ZNF69: variants seen among roughly 807,000 people sequenced by gnomAD.
ZNF69 encodes the protein ZNF3.
In ZNF69, 47 loss-of-function variants were observed where a neutral mutation model predicts 50.9. The ratio of observed to expected loss-of-function variants is 0.92; its 90% CI spans 0.73 to 1.18. The LOEUF (loss-of-function observed/expected upper bound fraction) is 1.18. ZNF69 is among the 50% of genes most tolerant of loss of function. ZNF69 has a pLI of 0.00. For missense variants in ZNF69, 717 were observed against 675.1 expected (o/e 1.06, Z -0.69); for synonymous variants, 216 against 223.1 (o/e 0.97, Z 0.29).
the ZNF69 span, chr19:11,965,046 T>A: frequency 1.2e-6 from 1 of 827,784 alleles, no homozygotes; most frequent in Non-Finnish European, 2.0e-6. Flanking sequence ...ATTCCTGTCC[T>A]CACCTTTGTC....
At chr19:11,938,093 G>A in the ZNF69 span, among the ~76,000 whole-genome samples, 1 of 151,866 alleles carries the variant, frequency 6.6e-6, no homozygotes, top group African/African-American at 2.4e-5. Flanking sequence ...TTTGGAGACG[G>A]AGTCTCACTC....
exon 5 of ZNF69, chr19:11,913,936 A>G (rs989861202): frequency 5.9e-5 from 9 of 152,230 alleles, no homozygotes; most frequent in African/African-American, 1.7e-4. Context: ...CACATTTAGA[A>G]ATATAGTTAC....
chr19:11,934,223 G>A, the ZNF69 span, among the ~76,000 whole-genome samples: 1 of 147,848 alleles, frequency 6.8e-6, no homozygotes, highest in Non-Finnish European at 1.5e-5. Flanking sequence ...TCTAGTTTTT[G>A]GCAGTTATGA....
intron 4 of ZNF69, among the ~76,000 whole-genome samples, chr19:11,912,323 C>G (rs1423137442): frequency 1.3e-5 from 2 of 152,060 alleles, no homozygotes; most frequent in Non-Finnish European, 2.9e-5. Context: ...CTGCCAAGAT[C>G]CTTTGAATAC....
the ZNF69 span, among the ~76,000 whole-genome samples, chr19:11,970,708 G>T: frequency 6.6e-6 from 1 of 152,154 alleles, no homozygotes; most frequent in Admixed American, 6.6e-5. Context: ...GAGGCTGGCA[G>T]ATCACCTAAG....
chr19:11,972,101 C>T, the ZNF69 span, among the ~76,000 whole-genome samples: 1 of 151,642 alleles, frequency 6.6e-6, no homozygotes, highest in Admixed American at 6.6e-5. Flanking sequence ...TTAGTCCAGC[C>T]TGGGTAACGT....
chr19:11,957,393 C>T, the ZNF69 span, among the ~76,000 whole-genome samples: 1 of 151,890 alleles, frequency 6.6e-6, no homozygotes, highest in Non-Finnish European at 1.5e-5. Context: ...CGTGCTCAGC[C>T]AAGAAGTAAC....
At chr19:11,954,788 T>C in the ZNF69 span, among the ~76,000 whole-genome samples, 1 of 152,094 alleles carries the variant, frequency 6.6e-6, no homozygotes. Flanking sequence ...GCCCCTGCAC[T>C]CCAGCCTGGG....
the ZNF69 span, among the ~76,000 whole-genome samples, chr19:11,921,799 G>A: frequency 1.3e-5 from 2 of 152,048 alleles, no homozygotes; most frequent in African/African-American, 2.4e-5. Context: ...CACTGCGCCC[G>A]GCCCTGAAAT....
downstream of ZNF69, among the ~76,000 whole-genome samples, chr19:11,917,292 G>A (rs1972530638): frequency 6.6e-6 from 1 of 152,210 alleles, no homozygotes; most frequent in Admixed American, 6.5e-5. Flanking sequence ...ACCTTCCACT[G>A]ACTCACAGTG....
At chr19:11,939,486 G>A in the ZNF69 span, among the ~76,000 whole-genome samples, 15 of 152,230 alleles carry the variant, frequency 9.9e-5, no homozygotes, top group African/African-American at 2.6e-4. Context: ...ATAGGGAATC[G>A]TTTCCCCATT....
chr19:11,902,671 G>A (rs1033338239), intron 1 of ZNF69, among the ~76,000 whole-genome samples: 10 of 150,672 alleles, frequency 6.6e-5, no homozygotes, highest in Non-Finnish European at 1.0e-4. Context: ...CCCTGGGGGA[G>A]TGTGATTTCC....
At chr19:11,917,934 C>T (rs1972536039), downstream of ZNF69, among the ~76,000 whole-genome samples, 1 of 151,842 alleles carries the variant, frequency 6.6e-6, no homozygotes, top group Non-Finnish European at 1.5e-5. Context: ...ATTATAGGCA[C>T]CTGCAACCAC....
downstream of ZNF69, among the ~76,000 whole-genome samples, chr19:11,915,399 A>T (rs1044744959): frequency 9.9e-5 from 15 of 152,238 alleles, no homozygotes; most frequent in Non-Finnish European, 1.8e-4. Flanking sequence ...ATGAAAGTGC[A>T]GGCTGAGGGT....
chr19:11,940,111 A>C, the ZNF69 span: 1 of 152,144 alleles, frequency 6.6e-6, no homozygotes, highest in Non-Finnish European at 1.5e-5. Context: ...TTGTATTTTT[A>C]GTAGAGACAA....
chr19:11,935,230 C>CT, the ZNF69 span, among the ~76,000 whole-genome samples: 1 of 115,150 alleles, frequency 8.7e-6, no homozygotes, highest in African/African-American at 3.3e-5. Flanking sequence ...TTGGAAAGAT[C>CT]TTGTTTTTTT....
chr19:11,930,011 A>G, the ZNF69 span, among the ~76,000 whole-genome samples: 3 of 148,036 alleles, frequency 2.0e-5, no homozygotes, highest in South Asian at 6.3e-4. Context: ...AACTGCCTGT[A>G]GCTGACCCAA....
At chr19:11,901,317 G>A (rs28541789) in intron 1 of ZNF69, among the ~76,000 whole-genome samples, 13,001 of 152,108 alleles carry the variant, frequency 0.085, 1,430 homozygotes, top group African/African-American at 0.25. Context: ...ATTTATGCTG[G>A]AGGTTGCACT....
chr19:11,974,118 TTTC>T, the ZNF69 span, among the ~76,000 whole-genome samples: 6,459 of 67,818 alleles, frequency 0.095, 134 homozygotes, highest in Non-Finnish European at 0.12. Flanking sequence ...TCTTTCTTTC[TTTC>T]TTTCTTTTCT....
Sources: gnomAD v4.1 joint callset for allele counts (sites outside exome capture counted in the v4.1 genomes callset) on GRCh38, gnomAD v4.1.1 for gene constraint, MANE v1.5 for transcripts, NCBI Gene and HGNC (gene_info 2026-07-23, HGNC 2026-07-21) for gene names.